CDCA8: variants seen among roughly 807,000 people sequenced by gnomAD.
CDCA8 encodes the protein cell division cycle associated 8, also known as borealin.
Under a neutral mutation model 40.0 loss-of-function variants are expected in CDCA8, and 25 were observed. The observed-to-expected ratio is 0.63, with a 90% CI of 0.46 to 0.87. The LOEUF is 0.87. Among genes scored for constraint, CDCA8 ranks in the 40% least tolerant of loss-of-function variants. CDCA8 has a pLI of 0.00. For synonymous variants in CDCA8, 111 were observed against 126.5 expected, an observed-to-expected ratio of 0.88 and a Z score of 0.82; for missense variants, 280 against 348.4, an observed-to-expected ratio of 0.80 and a Z score of 1.56.
In CDCA8 at chr1:37,700,476, G is replaced by GGAA. The variant is rs770586655; in HGVS notation, c.391_393dup (p.Glu131dup). 7 of 1,611,220 alleles carry GGAA rather than the reference G, an allele frequency of 4.3e-6. No individual in the cohort carries two copies. Among genetic ancestry groups the GGAA allele is most frequent in the African/African-American group, 1.3e-5 (1 of 74,964 alleles). On this transcript the variant is annotated inframe_insertion, in exon 5 of 10. Transcript: ENST00000373055. ...AGGTAGATGAAATGATAGTGGAAGA[G>GGAA]GAAGAAGAAGAAGAAAATGAACGTA... is the stretch of plus-strand genomic sequence containing the variant.
chr1:37,707,659 T>A (rs1645610710), intron 9 of CDCA8, among the ~76,000 whole-genome samples: 1 of 152,198 alleles, frequency 6.6e-6, no homozygotes, highest in Admixed American at 6.5e-5. Flanking sequence ...TGTCTTGGTT[T>A]AAATTCTGAA....
Position 37,692,654 on chromosome 1 carries a change from C to G in CDCA8, c.-37C>G. 1 of 1,551,348 alleles carries G rather than the reference C, an allele frequency of 6.4e-7. No homozygotes were observed. The highest frequency in any genetic ancestry group is 8.9e-7 in the Non-Finnish European group (1 of 1,128,628). On this transcript the variant is annotated 5_prime_UTR_variant, in exon 1 of 10. Transcript: ENST00000373055. ...CTACCCAGTTTCTTGCTTCCCTGCCCCATCTCCGCCGCTCCCCGCAGCCTC... is the reference window on the plus strand; with the variant it reads ...CTACCCAGTTTCTTGCTTCCCTGCCGCATCTCCGCCGCTCCCCGCAGCCTC...
Position 37,708,452 on chromosome 1 carries a change from G to T in CDCA8, c.*86G>T. 4 of 1,314,050 alleles carry T rather than the reference G, an allele frequency of 3.0e-6. No homozygotes were observed. The highest frequency in any genetic ancestry group is 4.4e-6 in the Non-Finnish European group (4 of 909,196). 81.4% of individuals were successfully genotyped at this position (1,314,050 alleles called of 1,614,324 possible). On this transcript the variant is annotated 3_prime_UTR_variant, in exon 10 of 10. Coordinates refer to ENST00000373055, the MANE Select transcript of CDCA8 (RefSeq NM_001256875.2). ...TTCCCTTCAGGCTTATTGTTTGAGT[G>T]TGAAGTTCCAGAGCAAGGAGCCATG...
intron 9 of CDCA8, among the ~76,000 whole-genome samples, chr1:37,708,055 A>T (rs1235717287): frequency 6.6e-6 from 1 of 152,186 alleles, no homozygotes. Context: ...CAGTGCTGAG[A>T]TCCCACACAC....
In CDCA8 at chr1:37,692,744, G is replaced by A. The variant is rs201410024; in HGVS notation, c.54G>A (p.Arg18=). Residue 18 remains arginine, a synonymous_variant, in exon 1 of 10, where the codon AGG becomes AGA. Coordinates refer to ENST00000373055, the MANE Select transcript of CDCA8 (RefSeq NM_001256875.2). ...TGGCCAAGACCAACTCCTTACGGAG[G>A]CGGAAGCTCGCCTCCTTTCTGAAAG... is the stretch of plus-strand genomic sequence containing the variant. ...SRVAKTNSLR[R]RKLASFLKDF... is the part of the protein sequence containing the mutation. The A allele has an allele frequency of 3.2e-5, 52 of 1,613,362 alleles. No individual in the cohort carries two copies. In the South Asian group the frequency reaches 5.2e-4, roughly 16 times the overall value.
chr1:37,701,792 C>CAT lies in CDCA8; in HGVS notation c.464_465dup (p.Gln156TyrfsTer34). On this transcript the variant is annotated frameshift_variant, in exon 6 of 10. Coordinates refer to ENST00000373055, the MANE Select transcript of CDCA8 (RefSeq NM_001256875.2). LOFTEE classifies it high-confidence loss of function. Reference sequence around the variant, plus strand: ...CTCCATCCAAGAAGAGAACTCAGTCCATACAAGGAAAAGGAAAAGGGAAAA... The same window carrying CAT: ...CTCCATCCAAGAAGAGAACTCAGTCCATATACAAGGAAAAGGAAAAGGGAAAA... 6.2e-7 allele frequency: 1 copy of CAT among 1,613,180 alleles called. No individual in the cohort carries two copies. Among genetic ancestry groups the CAT allele is most frequent in the Non-Finnish European group, 8.5e-7 (1 of 1,179,546 alleles).
intron 7 of CDCA8, 148 bp from the exon 8 acceptor site, chr1:37,705,293 A>ATTTTTTTTTTTTTTTTTTTT: frequency 6.5e-6 from 4 of 617,584 alleles, no homozygotes; most frequent in Non-Finnish European, 1.1e-5. Context: ...GCTTTAAAAC[A>ATTTTTTTTTTTTTTTTTTTT]TTTTTTTTTT....
At position 37,708,172 on chromosome 1, in the gene CDCA8, T is replaced by A. The variant is rs1645615632; in HGVS notation, c.799-150T>A. ...TGTCTCACTTGAGTTGTTATTTTAC[T>A]CCCTTGTTCAGATGAGAAACAGGTT... On this transcript the variant is annotated intron_variant, in intron 9 of 9. Coordinates refer to ENST00000373055, the MANE Select transcript of CDCA8 (RefSeq NM_001256875.2). The A allele has an allele frequency of 2.5e-5, 17 of 673,100 alleles. No homozygotes were observed. The South Asian group carries it at 2.7e-4, about 11-fold the overall frequency. The allele number at this position is 673,100 out of a possible 1,614,324, so 41.7% of individuals were successfully genotyped here. A position where few individuals can be genotyped will look rare whatever the true frequency, so the allele number is the denominator to read the frequency against.
chr1:37,697,078 G>A (rs1001714252), intron 3 of CDCA8, among the ~76,000 whole-genome samples: 8 of 152,190 alleles, frequency 5.3e-5, no homozygotes, highest in Admixed American at 3.3e-4. Context: ...ATATGAGAGA[G>A]CCATTGTTAC....
At chr1:37,695,669 G>A (rs544949027) in intron 2 of CDCA8, among the ~76,000 whole-genome samples, 19 of 152,170 alleles carry the variant, frequency 1.2e-4, no homozygotes, top group African/African-American at 1.7e-4. Flanking sequence ...TGAAGGATGA[G>A]TTAGAAATTT....
At chr1:37,697,665 A>G (rs943863337) in intron 3 of CDCA8, among the ~76,000 whole-genome samples, 1 of 152,226 alleles carries the variant, frequency 6.6e-6, no homozygotes, top group Non-Finnish European at 1.5e-5. Flanking sequence ...AGGCCTTTCT[A>G]TGTGTATCAG....
At chr1:37,693,059 CGGA>C in intron 2 of CDCA8, 26 bp downstream of exon 2, 1 of 1,611,016 alleles carries the variant, frequency 6.2e-7, no homozygotes, top group Non-Finnish European at 8.5e-7. Flanking sequence ...CTTCCCTGGG[CGGA>C]GGCCAGGAGC....
At chr1:37,693,099 G>GA (rs1645485243) in intron 2 of CDCA8, 66 bp downstream of exon 2, 1 of 1,448,640 alleles carries the variant, frequency 6.9e-7, no homozygotes, top group Admixed American at 1.9e-5. Context: ...ACACCCTTCA[G>GA]AAAGGGCTCG....
intron 6 of CDCA8, among the ~76,000 whole-genome samples, chr1:37,702,725 G>A: frequency 6.6e-6 from 1 of 152,124 alleles, no homozygotes; most frequent in East Asian, 1.9e-4. Context: ...GCCAAGGCAG[G>A]TGGATCACTT....
At chr1:37,694,945 C>T (rs1196625613) in intron 2 of CDCA8, among the ~76,000 whole-genome samples, 1 of 152,222 alleles carries the variant, frequency 6.6e-6, no homozygotes, top group Non-Finnish European at 1.5e-5. Flanking sequence ...CAAAGGATGT[C>T]ATCTCTGGAA....
Position 37,692,591 on chromosome 1 carries a change from C to A in CDCA8, c.-100C>A, listed in dbSNP as rs1258400850. 2 of 911,664 alleles carry A rather than the reference C, an allele frequency of 2.2e-6. No homozygotes were observed. The highest frequency in any genetic ancestry group is 3.5e-6 in the Non-Finnish European group (2 of 567,622). The allele number at this position is 911,664 out of a possible 1,614,324, so 56.5% of individuals were successfully genotyped here. ...CTCGGGACCGCAGGTACGTGCCTGG[C>A]GACTTCTTCGGGTGGTCCCCGTCCG... On this transcript the variant is annotated 5_prime_UTR_variant, in exon 1 of 10. Coordinates refer to ENST00000373055, the MANE Select transcript of CDCA8 (RefSeq NM_001256875.2).
chr1:37,706,721 G>A (rs1160963776), intron 8 of CDCA8, among the ~76,000 whole-genome samples: 2 of 152,234 alleles, frequency 1.3e-5, no homozygotes, highest in Non-Finnish European at 2.9e-5. Context: ...GTGAGGGGAG[G>A]ACGGTTTGTT....
At position 37,695,985 on chromosome 1, in the gene CDCA8, A is replaced by C. The variant is rs1397112910; in HGVS notation, c.264+35A>C. The stretch of plus-strand genomic sequence containing the variant: ...CTTTCCTATTTTCCAGCCAGTGGTT[A>C]CTTAAGTCTAGTCCAGTCCCCAGAT... On this transcript the variant is annotated intron_variant, in intron 3 of 9. Transcript: ENST00000373055. 11 of 1,601,044 alleles carry C rather than the reference A, an allele frequency of 6.9e-6. No homozygotes were observed. In the East Asian group the frequency reaches 2.5e-4, roughly 36 times the overall value.
In CDCA8 at chr1:37,705,541, C is replaced by T. The variant is rs769642478; in HGVS notation, c.685C>T (p.Leu229Phe). Reference protein sequence around the residue: ...SPLADSKEIFLTVPVGGGESL... With the variant: ...SPLADSKEIFFTVPVGGGESL... The stretch of plus-strand genomic sequence containing the variant: ...TCTTGCTGACAGCAAAGAGATCTTC[C>T]TCACTGTGCCAGTGGGCGGCGGAGA... The change falls in exon 8 of 10, where the codon CTC becomes TTC. Residue 229 changes from leucine (L) to phenylalanine (F), a missense_variant. Leu to Phe is a conservative substitution (Grantham distance 22). Transcript: ENST00000373055. The T allele has an allele frequency of 6.2e-7, 1 of 1,613,554 alleles. No individual in the cohort carries two copies. Among genetic ancestry groups the T allele is most frequent in the African/African-American group, 1.3e-5 (1 of 74,902 alleles).
Sources: allele counts gnomAD v4.1 joint callset (sites outside exome capture counted in the v4.1 genomes callset), GRCh38; gene constraint gnomAD v4.1.1; transcripts MANE v1.5; gene names NCBI Gene and HGNC (gene_info 2026-07-23, HGNC 2026-07-21).